RCAN1: variants seen among roughly 807,000 people sequenced by gnomAD.
RCAN1 encodes the protein calcipressin-1.
Under a neutral mutation model 22.9 loss-of-function variants are expected in RCAN1, and 11 were observed. The ratio of observed to expected loss-of-function variants is 0.48; its 90% CI spans 0.30 to 0.79. The LOEUF (loss-of-function observed/expected upper bound fraction) is 0.79, where lower values mean the gene tolerates loss of function less well. Among genes scored for constraint, RCAN1 ranks in the 30% least tolerant of loss-of-function variants. RCAN1 has a pLI of 0.06. For synonymous variants in RCAN1, 136 were observed against 142.3 expected (o/e 0.96, Z 0.32); for missense variants, 291 against 337.8 (o/e 0.86, Z 1.09).
intron 1 of RCAN1, among the ~76,000 whole-genome samples, chr21:34,534,841 T>TG (rs1401529802): frequency 6.6e-6 from 1 of 152,128 alleles, no homozygotes; most frequent in African/African-American, 2.4e-5. Context: ...GTCCTTGCTG[T>TG]GGGGGGCCTA....
chr21:34,577,537 T>C (rs1021833352), intron 1 of RCAN1, among the ~76,000 whole-genome samples: 24 of 152,258 alleles, frequency 1.6e-4, no homozygotes, highest in Non-Finnish European at 3.2e-4. Context: ...TGGTAGAGGC[T>C]ACAGTGAGCT....
chr21:34,596,753 G>A lies in RCAN1; in HGVS notation c.252+18007C>T, dbSNP rs117825137. Among the ~76,000 whole-genome samples, 840 of 152,314 alleles carry A rather than the reference G, an allele frequency of 5.5e-3. 22 individuals carry two copies. In the East Asian group the frequency reaches 0.082, roughly 15 times the overall value. On this transcript the variant is annotated intron_variant, in intron 1 of 3. Coordinates refer to ENST00000313806, the MANE Select transcript of RCAN1 (RefSeq NM_004414.7). ...GTGCTTTCCACCTCGACAAAGGGCC[G>A]AGGACTTTGCCTCCCTGCCTTTATC...
At chr21:34,533,060 A>C (rs564416052) in intron 1 of RCAN1, among the ~76,000 whole-genome samples, 2 of 150,568 alleles carry the variant, frequency 1.3e-5, no homozygotes, top group African/African-American at 4.9e-5. Context: ...TCCCGGGTTC[A>C]CGCCATTCTC....
intron 1 of RCAN1, among the ~76,000 whole-genome samples, chr21:34,573,312 CA>C (rs1987297744): frequency 6.6e-6 from 1 of 152,094 alleles, no homozygotes; most frequent in Non-Finnish European, 1.5e-5. Context: ...GACTAAGTCA[CA>C]AACATGGAAA....
intron 1 of RCAN1, among the ~76,000 whole-genome samples, chr21:34,583,605 C>T (rs1003111617): frequency 2.0e-5 from 3 of 152,076 alleles, no homozygotes; most frequent in Non-Finnish European, 4.4e-5. Flanking sequence ...AGAAGGCAGC[C>T]GTCTACAAGC....
chr21:34,530,509 T>C (rs1474125941), intron 1 of RCAN1, among the ~76,000 whole-genome samples: 4 of 152,060 alleles, frequency 2.6e-5, no homozygotes, highest in African/African-American at 9.7e-5. Flanking sequence ...GAGTTTTGAC[T>C]TCCAACACTG....
chr21:34,603,650 G>C (rs1018179987), intron 1 of RCAN1, among the ~76,000 whole-genome samples: 1 of 152,160 alleles, frequency 6.6e-6, no homozygotes, highest in African/African-American at 2.4e-5. Flanking sequence ...CGGATATCCA[G>C]TTACCCCGGG....
intron 1 of RCAN1, among the ~76,000 whole-genome samples, chr21:34,577,838 G>A (rs1568919264): frequency 6.6e-6 from 1 of 152,180 alleles, no homozygotes; most frequent in Non-Finnish European, 1.5e-5. Flanking sequence ...GGAGTGAGAG[G>A]GAAGGTGCCA....
intron 1 of RCAN1, among the ~76,000 whole-genome samples, chr21:34,526,257 A>G (rs1261900736): frequency 6.6e-6 from 1 of 152,218 alleles, no homozygotes; most frequent in Non-Finnish European, 1.5e-5. Context: ...AATTACTACA[A>G]ACATACAAAT....
intron 1 of RCAN1, among the ~76,000 whole-genome samples, chr21:34,530,585 T>A (rs1985322865): frequency 6.6e-6 from 1 of 151,894 alleles, no homozygotes; most frequent in Non-Finnish European, 1.5e-5. Context: ...TACATTTTAT[T>A]TCAGTTTTTT....
intron 1 of RCAN1, among the ~76,000 whole-genome samples, chr21:34,524,889 G>A (rs1282916074): frequency 6.6e-6 from 1 of 152,218 alleles, no homozygotes; most frequent in Admixed American, 6.5e-5. Context: ...CAGAGAGGGA[G>A]TTTAACTGGT....
chr21:34,594,587 G>A (rs564319982), intron 1 of RCAN1, among the ~76,000 whole-genome samples: 1 of 152,218 alleles, frequency 6.6e-6, no homozygotes, highest in South Asian at 2.1e-4. Context: ...ACGAAGGGTG[G>A]CAAGGTACCC....
At chr21:34,611,684 A>C (rs955113791) in intron 1 of RCAN1, among the ~76,000 whole-genome samples, 5 of 152,188 alleles carry the variant, frequency 3.3e-5, no homozygotes, top group Non-Finnish European at 7.4e-5. Context: ...TGTTTACACA[A>C]GGGGAGATAC....
At position 34,591,415 on chromosome 21, in the gene RCAN1, A is replaced by G. The variant is rs564974207; in HGVS notation, c.252+23345T>C. On this transcript the variant is annotated intron_variant, in intron 1 of 3. Transcript: ENST00000313806. ...AGCCAAGACCTAACCAAGGTGAGCC[A>G]TGGCTTTCTGGGTGAAAACTGCTCC... 5.9e-5 allele frequency among the ~76,000 whole-genome samples: 9 copies of G among 152,270 alleles called. 1 individual carries two copies. In the South Asian group the frequency reaches 1.9e-3, roughly 32 times the overall value.
At chr21:34,544,294 G>C (rs1256414440) in intron 1 of RCAN1, among the ~76,000 whole-genome samples, 1 of 152,240 alleles carries the variant, frequency 6.6e-6, no homozygotes, top group Non-Finnish European at 1.5e-5. Context: ...TCTGAAGTCG[G>C]AGAAAGGATG....
intron 1 of RCAN1, chr21:34,526,762 C>T: frequency 6.2e-7 from 1 of 1,605,672 alleles, no homozygotes; most frequent in Non-Finnish European, 8.5e-7. Flanking sequence ...TGCTTTCTTA[C>T]AGTGAAAGCG....
chr21:34,536,395 C>T (rs896189217), intron 1 of RCAN1, among the ~76,000 whole-genome samples: 6 of 152,222 alleles, frequency 3.9e-5, no homozygotes, highest in South Asian at 2.1e-4. Flanking sequence ...TGGGGAAGAA[C>T]AATCACCCAG....
At chr21:34,575,017 C>A (rs2123688471) in intron 1 of RCAN1, among the ~76,000 whole-genome samples, 1 of 152,306 alleles carries the variant, frequency 6.6e-6, no homozygotes, top group Non-Finnish European at 1.5e-5. Flanking sequence ...ACTGCACGGG[C>A]AGATGGGAAT....
At chr21:34,577,175 C>T (rs1419001458) in intron 1 of RCAN1, among the ~76,000 whole-genome samples, 1 of 152,206 alleles carries the variant, frequency 6.6e-6, no homozygotes, top group Non-Finnish European at 1.5e-5. Flanking sequence ...AGCTGAGACA[C>T]AACAGGGTCC....
Sources: allele counts gnomAD v4.1 joint callset (sites outside exome capture counted in the v4.1 genomes callset), GRCh38; gene constraint gnomAD v4.1.1; transcripts MANE v1.5; gene names NCBI Gene and HGNC (gene_info 2026-07-23, HGNC 2026-07-21).